Variants in GFOD2 observed in about 807,000 individuals in gnomAD.
GFOD2 encodes Gfo/Idh/MocA-like oxidoreductase domain containing 2, also known as glucose-fructose oxidoreductase domain-containing protein 2.
Under a neutral mutation model 24.6 loss-of-function variants are expected in GFOD2, and 9 were observed. That is an observed-to-expected ratio of 0.37 (90% confidence interval 0.22 to 0.64). GFOD2 has a LOEUF of 0.64. GFOD2 is among the 30% of genes least tolerant of loss of function. The probability of loss-of-function intolerance (pLI) is 0.65; values close to 1 mark genes in which losing one functional copy is unlikely to be tolerated. For synonymous variants in GFOD2, 211 were observed against 224.8 expected, an observed-to-expected ratio of 0.94 and a Z score of 0.55; for missense variants, 476 against 532.5, an observed-to-expected ratio of 0.89 and a Z score of 1.04.
intron 1 of GFOD2, among the ~76,000 whole-genome samples, chr16:67,707,228 C>CATGCCTGT (rs1309320923): frequency 5.3e-5 from 8 of 150,862 alleles, no homozygotes; most frequent in Middle Eastern, 3.4e-3. Context: ...TGTGGTGGTG[C>CATGCCTGT]ATGCCTGTAA....
intron 1 of GFOD2, among the ~76,000 whole-genome samples, chr16:67,700,539 C>CCGT (rs1555546271): frequency 3.3e-5 from 5 of 151,176 alleles, no homozygotes; most frequent in South Asian, 2.1e-4. Context: ...TGGTGAAACC[C>CCGT]TGCCTCTACT....
In GFOD2 at chr16:67,687,284, T is replaced by C. The variant is rs141802758; in HGVS notation, c.-87-1482A>G. 6.8e-3 allele frequency among the ~76,000 whole-genome samples: 1,026 copies of C among 151,866 alleles called. 15 individuals are homozygous for C. Among genetic ancestry groups the C allele is most frequent in the African/African-American group, 0.022 (924 of 41,450 alleles). ...GTAGCAAACATAGGAAAATGCTCAC[T>C]AGAAAAAAAAATACCAAAAAACTTT... On this transcript the variant is annotated intron_variant, in intron 1 of 2. Coordinates refer to ENST00000268797, the MANE Select transcript of GFOD2 (RefSeq NM_030819.4).
chr16:67,689,357 G>A (rs1034338072), intron 1 of GFOD2, among the ~76,000 whole-genome samples: 6 of 146,932 alleles, frequency 4.1e-5, no homozygotes, highest in African/African-American at 1.2e-4. Context: ...CTATTTTTAA[G>A]TATATACATC....
At chr16:67,717,813 T>C (rs529668214) in intron 1 of GFOD2, among the ~76,000 whole-genome samples, 2 of 152,130 alleles carry the variant, frequency 1.3e-5, no homozygotes, top group East Asian at 3.9e-4. Flanking sequence ...GATAGATAGA[T>C]AGAGAATTAG....
chr16:67,683,574 G>A, intron 2 of GFOD2: 1 of 1,231,726 alleles, frequency 8.1e-7, no homozygotes. Context: ...CACATCCTCA[G>A]AGAGAGCTCT....
intron 2 of GFOD2, chr16:67,684,843 C>G: frequency 1.0e-6 from 1 of 988,208 alleles, no homozygotes; most frequent in Non-Finnish European, 1.2e-6. Flanking sequence ...AACAGCTCAG[C>G]AGGCCATGCC....
intron 1 of GFOD2, among the ~76,000 whole-genome samples, chr16:67,706,979 A>C (rs370114787): frequency 1.3e-5 from 2 of 151,830 alleles, no homozygotes; most frequent in East Asian, 3.9e-4. Context: ...GAATGGTGTA[A>C]ACCCAGGAGG....
chr16:67,682,741 A>G, intron 2 of GFOD2: 1 of 985,466 alleles, frequency 1.0e-6, no homozygotes, highest in Non-Finnish European at 1.2e-6. Context: ...AGGTAAAAAT[A>G]TAAAGCTCTA....
chr16:67,685,667 G>T lies in GFOD2; in HGVS notation c.49C>A (p.Arg17=). Residue 17 remains arginine, a synonymous_variant, in exon 2 of 3, where the codon CGA becomes AGA. Coordinates refer to ENST00000268797, the MANE Select transcript of GFOD2 (RefSeq NM_030819.4). The stretch of plus-strand genomic sequence containing the variant: ...GCCCTCAGCAGTGGGACCAGAACTC[G>T]GGCGGAGCTGCCAGTCCCAAACACG... ...VGVFGTGSSA[R]VLVPLLRAEG... 1 of 1,613,914 alleles carries T rather than the reference G, an allele frequency of 6.2e-7. No homozygotes were observed. The highest frequency in any genetic ancestry group is 8.5e-7 in the Non-Finnish European group (1 of 1,180,016).
Position 67,676,071 on chromosome 16 carries a change from C to A in GFOD2, c.260-18G>T. Reference sequence around the variant, plus strand: ...CCCAATACCTAACAACAGGACACAACAGGAAATCTCAAAGTTTCAAGGGGG... The same window carrying A: ...CCCAATACCTAACAACAGGACACAAAAGGAAATCTCAAAGTTTCAAGGGGG... On this transcript the variant is annotated intron_variant, in intron 2 of 2. Transcript: ENST00000268797. 6.4e-7 allele frequency: 1 copy of A among 1,566,200 alleles called. No individual in the cohort carries two copies. The highest frequency in any genetic ancestry group is 8.7e-7 in the Non-Finnish European group (1 of 1,151,660).
chr16:67,711,773 T>C (rs1344533391), intron 1 of GFOD2, among the ~76,000 whole-genome samples: 1 of 152,210 alleles, frequency 6.6e-6, no homozygotes, highest in Non-Finnish European at 1.5e-5. Context: ...GGAGTTATCC[T>C]TGAGTCTTCT....
chr16:67,684,950 T>C, intron 2 of GFOD2: 1 of 1,000,584 alleles, frequency 1.0e-6, no homozygotes, highest in Non-Finnish European at 1.2e-6. Context: ...GGAAGCCCAA[T>C]GCTGGCAGAG....
intron 2 of GFOD2, chr16:67,683,824 G>A (rs1567654776): frequency 2.4e-5 from 29 of 1,220,500 alleles, no homozygotes; most frequent in Non-Finnish European, 3.0e-5. Context: ...CCGGTTCCTC[G>A]ACCTAGAGAT....
At chr16:67,707,467 A>T (rs1332170546) in intron 1 of GFOD2, among the ~76,000 whole-genome samples, 1 of 152,164 alleles carries the variant, frequency 6.6e-6, no homozygotes, top group Non-Finnish European at 1.5e-5. Context: ...CACTTTGGAA[A>T]ATTGACAGTT....
At chr16:67,685,862 T>C in intron 1 of GFOD2, 60 bp from the exon 2 acceptor site, 1 of 1,013,834 alleles carries the variant, frequency 9.9e-7, no homozygotes, top group Middle Eastern at 2.5e-4. Flanking sequence ...GAGGCTACTT[T>C]CTTTTTTTTT....
intron 2 of GFOD2, chr16:67,683,235 C>A: frequency 9.3e-7 from 1 of 1,074,438 alleles, no homozygotes; most frequent in Non-Finnish European, 1.1e-6. Context: ...ATACCAAGAA[C>A]CAGAAAAAAA....
intron 1 of GFOD2, among the ~76,000 whole-genome samples, chr16:67,717,013 C>A (rs1165290938): frequency 6.6e-6 from 1 of 152,176 alleles, no homozygotes; most frequent in Admixed American, 6.5e-5. Flanking sequence ...TCTCCTGCCT[C>A]AGCCTCCCAA....
At chr16:67,708,854 A>C (rs1294508379) in intron 1 of GFOD2, among the ~76,000 whole-genome samples, 1 of 152,188 alleles carries the variant, frequency 6.6e-6, no homozygotes, top group Non-Finnish European at 1.5e-5. Flanking sequence ...ATACTGTAGA[A>C]TTCCCTTTAT....
intron 2 of GFOD2, among the ~76,000 whole-genome samples, chr16:67,679,694 C>T (rs2142992620): frequency 6.6e-6 from 1 of 151,838 alleles, no homozygotes; most frequent in East Asian, 2.0e-4. Context: ...CGAGACCACC[C>T]TGACCAACAT....
Sources: gnomAD v4.1 joint callset for allele counts (sites outside exome capture counted in the v4.1 genomes callset) on GRCh38, gnomAD v4.1.1 for gene constraint, MANE v1.5 for transcripts, NCBI Gene and HGNC (gene_info 2026-07-23, HGNC 2026-07-21) for gene names.